Variants in PCDH9 observed in about 807,000 individuals in gnomAD.
The protein encoded by PCDH9 is protocadherin-9.
PCDH9 carries 24 observed loss-of-function variants against 70.6 expected under a neutral mutation model. The ratio of observed to expected loss-of-function variants is 0.34; its 90% CI spans 0.25 to 0.48. PCDH9 has a LOEUF of 0.48. Ranked by LOEUF, PCDH9 falls within the 20% of genes least tolerant of loss-of-function variation. The pLI is 0.99. For missense variants in PCDH9, 1,281 were observed against 1,503.6 expected (o/e 0.85, Z 2.45); for synonymous variants, 562 against 558.5 (o/e 1.01, Z -0.09).
intron 4 of PCDH9, among the ~76,000 whole-genome samples, chr13:66,371,383 A>G (rs1956649342): frequency 1.3e-5 from 2 of 152,054 alleles, no homozygotes. Flanking sequence ...TCAAAGAAAG[A>G]TATAATTTAT....
At chr13:66,478,261 T>C (rs1958769748) in intron 4 of PCDH9, among the ~76,000 whole-genome samples, 2 of 152,152 alleles carry the variant, frequency 1.3e-5, no homozygotes, top group Admixed American at 6.5e-5. Context: ...AACTAGCCAT[T>C]CCCCAGCCTT....
intron 3 of PCDH9, among the ~76,000 whole-genome samples, chr13:66,742,431 G>A (rs1361576369): frequency 7.6e-6 from 1 of 131,280 alleles, no homozygotes; most frequent in Non-Finnish European, 1.6e-5. Context: ...ACATAGGCAT[G>A]GGCAAGGACT....
intron 2 of PCDH9, among the ~76,000 whole-genome samples, chr13:67,034,920 T>C (rs371821603): frequency 6.6e-6 from 1 of 151,944 alleles, no homozygotes; most frequent in East Asian, 1.9e-4. Flanking sequence ...TGATACATCA[T>C]GCCTATGAAA....
At chr13:66,778,420 T>G (rs963215555) in intron 3 of PCDH9, among the ~76,000 whole-genome samples, 1 of 152,186 alleles carries the variant, frequency 6.6e-6, no homozygotes, top group African/African-American at 2.4e-5. Flanking sequence ...TTGTAGCTCA[T>G]GAATATTTCT....
intron 3 of PCDH9, among the ~76,000 whole-genome samples, chr13:66,708,365 T>C (rs2078744177): frequency 6.6e-6 from 1 of 151,750 alleles, no homozygotes; most frequent in African/African-American, 2.4e-5. Flanking sequence ...AACACTTTTA[T>C]ATTCATTCTT....
chr13:66,810,120 G>T (rs993522457), intron 3 of PCDH9, among the ~76,000 whole-genome samples: 2 of 152,070 alleles, frequency 1.3e-5, no homozygotes, highest in Admixed American at 6.6e-5. Context: ...AAACCATGTG[G>T]ACATAATCCA....
chr13:67,038,213 G>T (rs1442147940), intron 2 of PCDH9, among the ~76,000 whole-genome samples: 1 of 152,130 alleles, frequency 6.6e-6, no homozygotes, highest in African/African-American at 2.4e-5. Flanking sequence ...AAAACAAGTT[G>T]CACAAAACTC....
chr13:66,809,992 A>G (rs926449722), intron 3 of PCDH9, among the ~76,000 whole-genome samples: 2 of 152,186 alleles, frequency 1.3e-5, no homozygotes, highest in Non-Finnish European at 2.9e-5. Flanking sequence ...AAACAGGTAC[A>G]TGAAATGCTC....
At chr13:67,039,125 G>T (rs1242341799) in intron 2 of PCDH9, among the ~76,000 whole-genome samples, 1 of 152,076 alleles carries the variant, frequency 6.6e-6, no homozygotes, top group African/African-American at 2.4e-5. Context: ...AGATCCAAGG[G>T]GACTCTTATA....
chr13:67,051,569 T>C (rs923886664), intron 2 of PCDH9, among the ~76,000 whole-genome samples: 3 of 151,738 alleles, frequency 2.0e-5, no homozygotes, highest in Non-Finnish European at 4.4e-5. Context: ...ATTTTTTGTA[T>C]TTTTAGTAGA....
intron 4 of PCDH9, among the ~76,000 whole-genome samples, chr13:66,604,511 A>G (rs973754573): frequency 6.6e-6 from 1 of 152,054 alleles, no homozygotes; most frequent in Non-Finnish European, 1.5e-5. Context: ...CATTTTAGAT[A>G]TTATTAATGA....
intron 4 of PCDH9, among the ~76,000 whole-genome samples, chr13:66,487,362 G>A (rs1387461922): frequency 6.6e-6 from 1 of 152,090 alleles, no homozygotes; most frequent in Non-Finnish European, 1.5e-5. Context: ...TAGGACAAAA[G>A]AACAATTCCC....
At chr13:66,564,970 C>T (rs2076632126) in intron 4 of PCDH9, among the ~76,000 whole-genome samples, 1 of 151,822 alleles carries the variant, frequency 6.6e-6, no homozygotes, top group South Asian at 2.1e-4. Context: ...CTCTGATAGA[C>T]ATCATGGGGA....
At chr13:66,456,875 T>C (rs767885697) in intron 4 of PCDH9, among the ~76,000 whole-genome samples, 8 of 152,144 alleles carry the variant, frequency 5.3e-5, no homozygotes, top group African/African-American at 1.9e-4. Context: ...TGTACTGCCA[T>C]GGGCTTTGTT....
chr13:66,957,685 C>T (rs1484785487), intron 2 of PCDH9, among the ~76,000 whole-genome samples: 2 of 152,080 alleles, frequency 1.3e-5, no homozygotes, highest in African/African-American at 4.8e-5. Context: ...CTCTCTCTTT[C>T]TCTCTCTCAC....
chr13:66,531,476 T>G (rs1414650444), intron 4 of PCDH9, among the ~76,000 whole-genome samples: 1 of 152,082 alleles, frequency 6.6e-6, no homozygotes, highest in Non-Finnish European at 1.5e-5. Context: ...AATAAACGGA[T>G]AGTATGTTAC....
intron 2 of PCDH9, among the ~76,000 whole-genome samples, chr13:67,140,578 GA>G (rs2087357344): frequency 6.6e-6 from 1 of 152,060 alleles, no homozygotes; most frequent in African/African-American, 2.4e-5. Flanking sequence ...GTGCTTTATA[GA>G]AAGTAATAAT....
chr13:66,694,339 G>A (rs544661056), intron 3 of PCDH9, among the ~76,000 whole-genome samples: 2 of 152,280 alleles, frequency 1.3e-5, no homozygotes, highest in South Asian at 4.1e-4. Context: ...CAACTTTGTG[G>A]GCTGCAGGCA....
intron 2 of PCDH9, among the ~76,000 whole-genome samples, chr13:67,176,434 A>T (rs1421155877): frequency 6.6e-6 from 1 of 152,072 alleles, no homozygotes; most frequent in Admixed American, 6.6e-5. Flanking sequence ...GATACTTTCC[A>T]TTCAGTGTTA....
Sources: allele counts gnomAD v4.1 joint callset (sites outside exome capture counted in the v4.1 genomes callset), GRCh38; gene constraint gnomAD v4.1.1; transcripts MANE v1.5; gene names NCBI Gene and HGNC (gene_info 2026-07-23, HGNC 2026-07-21).